Variants in STPG2 observed in about 807,000 individuals in gnomAD.
STPG2 encodes the protein sperm tail PG-rich repeat containing 2, also known as sperm-tail PG-rich repeat-containing protein 2.
A neutral mutation model predicts 54.2 loss-of-function variants in STPG2; 56 were observed. The observed-to-expected ratio is 1.03, with a 90% CI of 0.83 to 1.29. The LOEUF (loss-of-function observed/expected upper bound fraction) is 1.29, where lower values mean the gene tolerates loss of function less well. Ranked by LOEUF, STPG2 falls within the 50% of genes most tolerant of loss-of-function variation. The pLI, the probability that STPG2 is intolerant of heterozygous loss-of-function variation, is 0.00. For missense variants in STPG2, 596 were observed against 544.9 expected, an observed-to-expected ratio of 1.09 and a Z score of -0.93; for synonymous variants, 200 against 181.8, an observed-to-expected ratio of 1.10 and a Z score of -0.81.
intron 2 of STPG2, among the ~76,000 whole-genome samples, chr4:98,128,836 T>C (rs1250351306): frequency 6.6e-6 from 1 of 152,054 alleles, no homozygotes; most frequent in Non-Finnish European, 1.5e-5. Flanking sequence ...TTCAAGTGAT[T>C]CTCCCCTCGA....
chr4:97,951,182 T>C (rs933320281), intron 7 of STPG2, among the ~76,000 whole-genome samples: 2 of 152,156 alleles, frequency 1.3e-5, no homozygotes, highest in Admixed American at 6.5e-5. Flanking sequence ...ACCCACCAAA[T>C]TGTCCTTAAA....
intron 9 of STPG2, among the ~76,000 whole-genome samples, chr4:97,813,740 A>AATTTT (rs1263720836): frequency 6.8e-6 from 1 of 148,100 alleles, no homozygotes; most frequent in Non-Finnish European, 1.5e-5. Flanking sequence ...AAATGTACAC[A>AATTTT]ATTTTATTTC....
chr4:98,010,487 G>C (rs11944107), intron 5 of STPG2, among the ~76,000 whole-genome samples: 59,951 of 151,904 alleles, frequency 0.39, 12,055 homozygotes, highest in Middle Eastern at 0.47. Context: ...ACTTTCCAAC[G>C]CTTCCCATTC....
At chr4:98,089,221 G>A (rs1017355257) in intron 5 of STPG2, among the ~76,000 whole-genome samples, 4 of 151,850 alleles carry the variant, frequency 2.6e-5, no homozygotes, top group African/African-American at 9.7e-5. Context: ...CTTACCCTCT[G>A]AGTCCCCAAA....
rs140707713 is a variant in STPG2 at position 97,749,405 on chromosome 4, G to T, written c.1205-36591C>A. 1.1e-3 allele frequency among the ~76,000 whole-genome samples: 165 copies of T among 151,622 alleles called. 3 individuals are homozygous for T. In the East Asian group the frequency reaches 0.027, roughly 25 times the overall value. On this transcript the variant is annotated intron_variant, in intron 9 of 10. Coordinates refer to ENST00000295268, the MANE Select transcript of STPG2 (RefSeq NM_174952.3). ...TTTATTCTGTATATTTGGCTATCTAGTCATCTTAAGAAAAATACGTATGCC... is the reference window on the plus strand; with the variant it reads ...TTTATTCTGTATATTTGGCTATCTATTCATCTTAAGAAAAATACGTATGCC...
At chr4:98,049,851 C>T (rs1408639553) in intron 5 of STPG2, among the ~76,000 whole-genome samples, 2 of 151,974 alleles carry the variant, frequency 1.3e-5, no homozygotes, top group East Asian at 3.9e-4. Context: ...TACACAATAC[C>T]ATCTACAAAG....
chr4:97,870,726 A>G (rs1729953195), intron 8 of STPG2, among the ~76,000 whole-genome samples: 1 of 151,328 alleles, frequency 6.6e-6, no homozygotes, highest in African/African-American at 2.4e-5. Context: ...AGTAGGAGTC[A>G]TTAAACTCAA....
At chr4:97,738,711 G>A (rs1160873167) in intron 9 of STPG2, among the ~76,000 whole-genome samples, 2 of 152,070 alleles carry the variant, frequency 1.3e-5, no homozygotes, top group Non-Finnish European at 2.9e-5. Context: ...GATTCATAAA[G>A]CAAGTCCTGA....
chr4:97,486,898 A>ACACACACACAC (rs1257291784), intron 4 of STPG2, among the ~76,000 whole-genome samples: 1 of 125,298 alleles, frequency 8.0e-6, no homozygotes, highest in African/African-American at 3.3e-5. Context: ...CACACACACA[A>ACACACACACAC]TGGAATACTA....
At chr4:98,019,581 G>T (rs1232306034) in intron 5 of STPG2, among the ~76,000 whole-genome samples, 1 of 151,568 alleles carries the variant, frequency 6.6e-6, no homozygotes, top group African/African-American at 2.4e-5. Context: ...GATGGGGATG[G>T]CATTGAATGT....
chr4:98,102,572 C>T (rs192115929), intron 5 of STPG2, among the ~76,000 whole-genome samples: 1 of 152,016 alleles, frequency 6.6e-6, no homozygotes, highest in Admixed American at 6.6e-5. Context: ...GCCTTGGGTC[C>T]CTTTGATCAT....
At chr4:97,965,548 C>T (rs960439827) in intron 7 of STPG2, among the ~76,000 whole-genome samples, 10 of 152,154 alleles carry the variant, frequency 6.6e-5, no homozygotes, top group Admixed American at 4.6e-4. Context: ...ACAAATGGGG[C>T]CCTGACCCCC....
chr4:97,794,398 C>G (rs1354768375), intron 9 of STPG2, among the ~76,000 whole-genome samples: 1 of 152,098 alleles, frequency 6.6e-6, no homozygotes, highest in African/African-American at 2.4e-5. Flanking sequence ...CCAATGCTGA[C>G]TCTACAAAGT....
At chr4:98,069,774 T>G (rs1053055693) in intron 5 of STPG2, among the ~76,000 whole-genome samples, 3 of 151,954 alleles carry the variant, frequency 2.0e-5, no homozygotes, top group Non-Finnish European at 2.9e-5. Flanking sequence ...TGTTCTCAGA[T>G]AGTAAATATA....
At chr4:97,884,562 C>T (rs570774544) in intron 8 of STPG2, among the ~76,000 whole-genome samples, 1 of 152,218 alleles carries the variant, frequency 6.6e-6, no homozygotes, top group East Asian at 1.9e-4. Flanking sequence ...GCACTTCTAG[C>T]CTCCAGAATT....
At chr4:97,778,051 C>G (rs1726439267) in intron 9 of STPG2, among the ~76,000 whole-genome samples, 1 of 152,104 alleles carries the variant, frequency 6.6e-6, no homozygotes, top group Admixed American at 6.5e-5. Flanking sequence ...CGCTGGGGTT[C>G]GTCAGACAGT....
chr4:98,141,942 GAAAA>G (rs3974892), intron 1 of STPG2, among the ~76,000 whole-genome samples: 20 of 96,892 alleles, frequency 2.1e-4, no homozygotes, highest in East Asian at 6.4e-4. Context: ...CAGTAGTTGG[GAAAA>G]AAAAAAAAAA....
intron 8 of STPG2, among the ~76,000 whole-genome samples, chr4:97,899,778 T>C (rs986191061): frequency 6.6e-6 from 1 of 151,992 alleles, no homozygotes; most frequent in Non-Finnish European, 1.5e-5. Context: ...ATGCAGAATA[T>C]TGAAGCTGGA....
chr4:97,728,450 G>T (rs937898758), intron 9 of STPG2, among the ~76,000 whole-genome samples: 3 of 152,014 alleles, frequency 2.0e-5, no homozygotes, highest in Non-Finnish European at 2.9e-5. Flanking sequence ...TAACTCGGTA[G>T]AAATTATTTC....
Sources: allele counts gnomAD v4.1 joint callset (sites outside exome capture counted in the v4.1 genomes callset), GRCh38; gene constraint gnomAD v4.1.1; transcripts MANE v1.5; gene names NCBI Gene and HGNC (gene_info 2026-07-23, HGNC 2026-07-21).